KALRN: variants seen among roughly 807,000 people sequenced by gnomAD.
KALRN encodes the protein kalirin RhoGEF kinase.
In KALRN, 70 loss-of-function variants were observed where a neutral mutation model predicts 353.7. That is an observed-to-expected ratio of 0.20 (90% CI 0.16 to 0.24). The LOEUF (loss-of-function observed/expected upper bound fraction) is 0.24. Among genes scored for constraint, KALRN ranks in the 10% least tolerant of loss-of-function variants. The probability of loss-of-function intolerance (pLI) is 1.00; values close to 1 mark genes in which losing one functional copy is unlikely to be tolerated. For synonymous variants in KALRN, 1,391 were observed against 1,434.8 expected (o/e 0.97, Z 0.69); for missense variants, 2,791 against 3,756.7 (o/e 0.74, Z 6.72).
chr3:124,330,288 C>A (rs1417345832), intron 8 of KALRN, among the ~76,000 whole-genome samples: 2 of 117,690 alleles, frequency 1.7e-5, no homozygotes, highest in African/African-American at 5.7e-5. Flanking sequence ...ACACACACAC[C>A]CCATACACCT....
Position 124,495,999 on chromosome 3 carries a change from A to G in KALRN, c.4833-312A>G, listed in dbSNP as rs1400242351. On this transcript the variant is annotated intron_variant, in intron 32 of 59. Coordinates refer to ENST00000682506, the MANE Select transcript of KALRN (RefSeq NM_001388419.1). ...TATATATATATATATATATATATAT[A>G]TATATATATATATACACACACATAT... Among the ~76,000 whole-genome samples, 21 of 61,476 alleles carry G rather than the reference A, an allele frequency of 3.4e-4. 4 individuals are homozygous for G. Among genetic ancestry groups the G allele is most frequent in the Admixed American group, 3.3e-3 (17 of 5,126 alleles). The allele number at this position is 61,476 out of a possible 152,430, so 40.3% of individuals were successfully genotyped here. A position where few individuals can be genotyped will look rare whatever the true frequency, so the allele number is the denominator to read the frequency against.
intron 1 of KALRN, among the ~76,000 whole-genome samples, chr3:124,051,235 T>A (rs368630031): frequency 6.6e-6 from 1 of 152,320 alleles, no homozygotes; most frequent in African/African-American, 2.4e-5. Context: ...CTCGTGGTTT[T>A]AGGAGAATGA....
intron 10 of KALRN, among the ~76,000 whole-genome samples, chr3:124,380,438 G>A (rs2087189461): frequency 6.6e-6 from 1 of 152,202 alleles, no homozygotes; most frequent in African/African-American, 2.4e-5. Context: ...AGGAACTGTA[G>A]CCATCAGTGT....
intron 48 of KALRN, 52 bp downstream of exon 48, chr3:124,671,950 AG>A: frequency 7.5e-7 from 1 of 1,332,324 alleles, no homozygotes; most frequent in African/African-American, 1.4e-5. Flanking sequence ...GCATAGCCTC[AG>A]GGGTTACTTT....
intron 1 of KALRN, among the ~76,000 whole-genome samples, chr3:124,197,542 C>T (rs1173385214): frequency 6.6e-6 from 1 of 152,190 alleles, no homozygotes; most frequent in Non-Finnish European, 1.5e-5. Context: ...AACACTTTTC[C>T]GGTTGTGGGC....
intron 1 of KALRN, among the ~76,000 whole-genome samples, chr3:124,203,058 C>T (rs1008515641): frequency 4.6e-5 from 7 of 152,204 alleles, no homozygotes; most frequent in Non-Finnish European, 1.0e-4. Flanking sequence ...ACCTTGGTTG[C>T]AGTACTCTGG....
intron 34 of KALRN, among the ~76,000 whole-genome samples, chr3:124,619,573 G>A (rs997736253): frequency 6.1e-5 from 8 of 130,162 alleles, no homozygotes; most frequent in African/African-American, 1.1e-4. Flanking sequence ...CTGCAACCCC[G>A]CCTCCCAGGC....
chr3:124,570,445 T>G (rs2073384042), intron 34 of KALRN, among the ~76,000 whole-genome samples: 2 of 152,172 alleles, frequency 1.3e-5, no homozygotes, highest in African/African-American at 4.8e-5. Context: ...GAAGTATACA[T>G]GGGAGTATGA....
Position 124,496,424 on chromosome 3 carries a change from G to A in KALRN, c.4935+11G>A, listed in dbSNP as rs762972454. 2.5e-6 allele frequency: 4 copies of A among 1,593,906 alleles called. No homozygotes were observed. In the Admixed American group the frequency reaches 6.7e-5, roughly 27 times the overall value. On this transcript the variant is annotated intron_variant, in intron 33 of 59. Transcript: ENST00000682506. The stretch of plus-strand genomic sequence containing the variant: ...GTGGACAGTGACAAGGTAGGACAGA[G>A]TCCTAACCTTCCTTCCCCTGAGACT...
At chr3:124,304,856 T>A (rs1219729080) in intron 6 of KALRN, among the ~76,000 whole-genome samples, 2 of 152,176 alleles carry the variant, frequency 1.3e-5, no homozygotes, top group African/African-American at 4.8e-5. Flanking sequence ...ACATTTCTTA[T>A]CCTGCCCCAA....
chr3:124,450,617 C>T (rs2058682456), intron 21 of KALRN, among the ~76,000 whole-genome samples: 1 of 149,874 alleles, frequency 6.7e-6, no homozygotes, highest in Non-Finnish European at 1.5e-5. Context: ...GGCTGGAGTG[C>T]AGTCATGTGA....
At chr3:124,497,653 G>A (rs887809492) in intron 33 of KALRN, among the ~76,000 whole-genome samples, 1 of 152,078 alleles carries the variant, frequency 6.6e-6, no homozygotes, top group Non-Finnish European at 1.5e-5. Context: ...TTTTCCACTT[G>A]TGAAAACATA....
At chr3:124,707,175 C>T (rs2062662678) in intron 57 of KALRN, among the ~76,000 whole-genome samples, 1 of 151,718 alleles carries the variant, frequency 6.6e-6, no homozygotes, top group African/African-American at 2.4e-5. Flanking sequence ...TTCATCTCTA[C>T]AAAAAATAAA....
chr3:124,235,137 G>T (rs1216397832), intron 3 of KALRN, among the ~76,000 whole-genome samples, 194 bp downstream of exon 3: 2 of 152,168 alleles, frequency 1.3e-5, no homozygotes, highest in Non-Finnish European at 2.9e-5. Context: ...TGTGAATGGG[G>T]TGGGAGCTGG....
chr3:124,491,283 C>T (rs748813626), intron 30 of KALRN, 40 bp from the exon 31 acceptor site: 3 of 1,445,846 alleles, frequency 2.1e-6, no homozygotes, highest in East Asian at 4.8e-5. Flanking sequence ...CCCCACTGCC[C>T]TCCCCTTCCC....
chr3:124,699,099 T>C lies in KALRN; in HGVS notation c.7832-770T>C, dbSNP rs777721801. On this transcript the variant is annotated intron_variant, in intron 55 of 59. Coordinates refer to ENST00000682506, the MANE Select transcript of KALRN (RefSeq NM_001388419.1). ...TTATTTTAACTCTTCTTTCTCCTTC[T>C]TTCTTATTAAACAGGCCCTATGCAG... 1.0e-3 allele frequency among the ~76,000 whole-genome samples: 156 copies of C among 152,362 alleles called. 1 individual carries two copies. The highest frequency in any genetic ancestry group is 1.3e-3 in the Non-Finnish European group (90 of 68,030).
chr3:124,244,417 A>G (rs1473908678), intron 3 of KALRN, among the ~76,000 whole-genome samples: 1 of 152,064 alleles, frequency 6.6e-6, no homozygotes, highest in Non-Finnish European at 1.5e-5. Context: ...TTGTATTTTT[A>G]GTAGAGATGG....
chr3:124,570,574 A>G (rs759670246), intron 34 of KALRN, among the ~76,000 whole-genome samples: 1 of 152,224 alleles, frequency 6.6e-6, no homozygotes, highest in African/African-American at 2.4e-5. Flanking sequence ...TAAAAATTAT[A>G]ATACTGTTGG....
At chr3:124,333,652 C>G (rs1332782172) in intron 8 of KALRN, among the ~76,000 whole-genome samples, 2 of 152,136 alleles carry the variant, frequency 1.3e-5, no homozygotes, top group Non-Finnish European at 2.9e-5. Context: ...CTTTGGGAGG[C>G]TGAGGTGGGC....
Sources: allele counts gnomAD v4.1 joint callset (sites outside exome capture counted in the v4.1 genomes callset), GRCh38; gene constraint gnomAD v4.1.1; transcripts MANE v1.5; gene names NCBI Gene and HGNC (gene_info 2026-07-23, HGNC 2026-07-21).